GPM6A: variants seen among roughly 807,000 people sequenced by gnomAD.
GPM6A encodes the protein neuronal membrane glycoprotein M6-a.
A neutral mutation model predicts 32.1 loss-of-function variants in GPM6A; 7 were observed. The observed-to-expected ratio is 0.22, with a 90% CI of 0.12 to 0.41. The LOEUF is 0.41. Among genes scored for constraint, GPM6A ranks in the 10% least tolerant of loss-of-function variants. GPM6A has a pLI of 1.00. For missense variants in GPM6A, 235 were observed against 347.2 expected, an observed-to-expected ratio of 0.68 and a Z score of 2.57; for synonymous variants, 130 against 123.4, an observed-to-expected ratio of 1.05 and a Z score of -0.35.
intron 1 of GPM6A, among the ~76,000 whole-genome samples, chr4:175,822,110 T>C (rs986997476): frequency 6.6e-6 from 1 of 152,124 alleles, no homozygotes; most frequent in Non-Finnish European, 1.5e-5. Flanking sequence ...TATTATAAAG[T>C]ATTGAATCAG....
chr4:175,994,049 C>A (rs973733171), intron 1 of GPM6A, among the ~76,000 whole-genome samples: 1 of 152,064 alleles, frequency 6.6e-6, no homozygotes, highest in Admixed American at 6.6e-5. Context: ...AGTTTTGAAC[C>A]TATTGAGGCT....
chr4:175,687,805 G>C (rs75956984), intron 2 of GPM6A, among the ~76,000 whole-genome samples: 4,822 of 152,218 alleles, frequency 0.032, 125 homozygotes, highest in Middle Eastern at 0.048. Context: ...GTGAACACTA[G>C]GGTTCAAATT....
chr4:175,930,388 T>TA (rs1454211824), intron 1 of GPM6A, among the ~76,000 whole-genome samples: 2,125 of 138,094 alleles, frequency 0.015, 59 homozygotes, highest in African/African-American at 0.051. Context: ...AGCTTAAACT[T>TA]AAAAAAAAAA....
chr4:175,780,548 CAG>C (rs1733578722), intron 1 of GPM6A, among the ~76,000 whole-genome samples: 1 of 152,180 alleles, frequency 6.6e-6, no homozygotes, highest in Non-Finnish European at 1.5e-5. Flanking sequence ...TAGCATAACA[CAG>C]TGCGTCACAT....
intron 1 of GPM6A, among the ~76,000 whole-genome samples, chr4:175,880,704 A>G (rs1258384331): frequency 6.6e-6 from 1 of 152,188 alleles, no homozygotes. Flanking sequence ...TTATTGGTGT[A>G]TAAGACTGCT....
chr4:175,751,703 G>A (rs1732343497), intron 1 of GPM6A, among the ~76,000 whole-genome samples: 1 of 151,418 alleles, frequency 6.6e-6, no homozygotes, highest in African/African-American at 2.4e-5. Flanking sequence ...GTTATACCAT[G>A]GACAGTTGAT....
At chr4:175,794,984 A>G (rs1219420959) in intron 1 of GPM6A, among the ~76,000 whole-genome samples, 2 of 152,228 alleles carry the variant, frequency 1.3e-5, no homozygotes, top group Non-Finnish European at 2.9e-5. Context: ...TAGAAATTGG[A>G]TGAAGAGAAG....
At chr4:175,983,306 G>T (rs1740871231) in intron 1 of GPM6A, among the ~76,000 whole-genome samples, 2 of 152,194 alleles carry the variant, frequency 1.3e-5, no homozygotes, top group Non-Finnish European at 2.9e-5. Context: ...ATTTCATGGT[G>T]ATAACGCAGT....
At chr4:175,912,880 T>A (rs1168027316) in intron 1 of GPM6A, among the ~76,000 whole-genome samples, 1 of 152,116 alleles carries the variant, frequency 6.6e-6, no homozygotes, top group Non-Finnish European at 1.5e-5. Context: ...GATAAATAAA[T>A]GTTAGGTATC....
At chr4:175,851,257 T>C (rs1476049210) in intron 1 of GPM6A, among the ~76,000 whole-genome samples, 1 of 152,000 alleles carries the variant, frequency 6.6e-6, no homozygotes, top group Non-Finnish European at 1.5e-5. Flanking sequence ...GAGGCCAAGG[T>C]GGGCGGATCA....
rs186486808 is a variant in GPM6A, at chr4:175,929,641, A to G, written c.-23+72668T>C. 2.0e-3 allele frequency among the ~76,000 whole-genome samples: 310 copies of G among 152,292 alleles called. 2 individuals are homozygous for G. The highest frequency in any genetic ancestry group is 6.9e-3 in the African/African-American group (285 of 41,574). On this transcript the variant is annotated intron_variant, in intron 1 of 7. Transcript: ENST00000280187. Reference sequence around the variant, plus strand: ...TTCAAACGTTTCCCTTTGAAATAGAATGAGATCATGCTGTTATGAGTCAAT... The same window carrying G: ...TTCAAACGTTTCCCTTTGAAATAGAGTGAGATCATGCTGTTATGAGTCAAT...
At chr4:175,751,473 A>G (rs1443029448) in intron 1 of GPM6A, among the ~76,000 whole-genome samples, 2 of 152,156 alleles carry the variant, frequency 1.3e-5, no homozygotes, top group African/African-American at 4.8e-5. Context: ...AACTAACCAT[A>G]TATTACTGTA....
rs532873265 is a variant in GPM6A at position 175,883,924 on chromosome 4, A to T, written c.-22-71675T>A. Among the ~76,000 whole-genome samples, 549 of 152,338 alleles carry T rather than the reference A, an allele frequency of 3.6e-3. 2 individuals are homozygous for T. The highest frequency in any genetic ancestry group is 0.013 in the African/African-American group (526 of 41,584). ...AATTTGCATAATACAGTTGATTACA[A>T]TTATAATGTCCTATACATTGATTCA... On this transcript the variant is annotated intron_variant, in intron 1 of 7. Transcript: ENST00000280187.
At chr4:175,841,203 G>C (rs1735924751) in intron 1 of GPM6A, among the ~76,000 whole-genome samples, 1 of 152,064 alleles carries the variant, frequency 6.6e-6, no homozygotes, top group African/African-American at 2.4e-5. Flanking sequence ...TTCTGTTCAT[G>C]TTACAAAATA....
rs1160043273 is a variant in GPM6A at position 175,853,792 on chromosome 4, TACCAAAAATAAAA to T, written c.-22-41556_-22-41544del. ...TATTATGATATTAATATCACTCAGT[TACCAAAAATAAAA>T]ACTTTAAGCCTTCTTAGCAAGTTCA... is the stretch of plus-strand genomic sequence containing the variant. On this transcript the variant is annotated intron_variant, in intron 1 of 7. Coordinates refer to the GPM6A transcript ENST00000280187. 1.2e-4 allele frequency among the ~76,000 whole-genome samples: 18 copies of T among 152,320 alleles called. No homozygotes were observed. The East Asian group carries it at 1.7e-3, about 15-fold the overall frequency.
chr4:175,969,928 C>T (rs938481104), intron 1 of GPM6A, among the ~76,000 whole-genome samples: 1 of 152,144 alleles, frequency 6.6e-6, no homozygotes, highest in African/African-American at 2.4e-5. Context: ...AAAAGGCATA[C>T]AATCATCTTT....
At chr4:175,936,651 A>G (rs534393090) in intron 1 of GPM6A, among the ~76,000 whole-genome samples, 138 of 152,288 alleles carry the variant, frequency 9.1e-4, no homozygotes, top group African/African-American at 2.9e-3. Context: ...TGTAAGTATA[A>G]CCTAACAAGA....
chr4:175,740,715 T>C (rs1731855584), intron 1 of GPM6A, among the ~76,000 whole-genome samples: 1 of 152,116 alleles, frequency 6.6e-6, no homozygotes, highest in Non-Finnish European at 1.5e-5. Flanking sequence ...TAATTGAGTT[T>C]ACCTCTTTTA....
chr4:175,638,376 TG>T lies in GPM6A; in HGVS notation c.684+1752del, dbSNP rs572222446. Among the ~76,000 whole-genome samples, 13 of 152,152 alleles carry T rather than the reference TG, an allele frequency of 8.5e-5. No individual in the cohort carries two copies. The South Asian group carries it at 2.7e-3, about 32-fold the overall frequency. ...CTTAGGTCAATCATTTAAGCTAGTATGGGGTTTTGTGATGACTCTAGACAGA... is the reference window on the plus strand; with the variant it reads ...CTTAGGTCAATCATTTAAGCTAGTATGGGTTTTGTGATGACTCTAGACAGA... On this transcript the variant is annotated intron_variant, in intron 6 of 6. Coordinates refer to ENST00000393658, the MANE Select transcript of GPM6A (RefSeq NM_201591.3).
Sources: allele counts gnomAD v4.1 joint callset (sites outside exome capture counted in the v4.1 genomes callset), GRCh38; gene constraint gnomAD v4.1.1; transcripts MANE v1.5; gene names NCBI Gene and HGNC (gene_info 2026-07-23, HGNC 2026-07-21).